The following FAAH2 variants were observed in gnomAD, a reference collection of about 807,000 sequenced individuals.
The protein encoded by FAAH2 is fatty acid amide hydrolase 2.
Under a neutral mutation model 36.9 loss-of-function variants are expected in FAAH2, and 60 were observed. The ratio of observed to expected loss-of-function variants is 1.63; its 90% CI spans 1.32 to 2.02. The LOEUF (loss-of-function observed/expected upper bound fraction) is 2.02. Ranked by LOEUF, FAAH2 falls within the 30% of genes most tolerant of loss-of-function variation. The pLI is 0.00. For missense variants in FAAH2, 689 were observed against 397.5 expected, an observed-to-expected ratio of 1.73 and a Z score of -6.23; for synonymous variants, 214 against 143.8, an observed-to-expected ratio of 1.49 and a Z score of -3.49.
At chrX:57,151,348 C>G in the FAAH2 span, among the ~76,000 whole-genome samples, 1 of 112,096 alleles carries the variant, frequency 8.9e-6, no homozygotes, top group Admixed American at 9.5e-5. Context: ...TAATATCCTG[C>G]AGAGTGTTTT....
At chrX:57,388,871 A>T (rs945102993) in intron 7 of FAAH2, among the ~76,000 whole-genome samples, 5 of 110,346 alleles carry the variant, frequency 4.5e-5, no homozygotes, top group African/African-American at 1.3e-4. Flanking sequence ...TAACCGTTTT[A>T]TACTTGCTTC....
chrX:57,403,038 C>T (rs1199642650), intron 7 of FAAH2, among the ~76,000 whole-genome samples: 1 of 111,971 alleles, frequency 8.9e-6, no homozygotes, highest in Non-Finnish European at 1.9e-5. Flanking sequence ...CCTTGTAAAA[C>T]ATCAGTATAG....
At chrX:57,333,610 T>A (rs755710542) in intron 4 of FAAH2, among the ~76,000 whole-genome samples, 1,012 of 83,727 alleles carry the variant, frequency 0.012, 11 homozygotes, top group African/African-American at 0.037. Context: ...AAAAAAAAAA[T>A]ATAACAGAAA....
the FAAH2 span, among the ~76,000 whole-genome samples, chrX:57,226,650 G>A: frequency 0.45 from 49,792 of 110,340 alleles, 11,342 homozygotes; most frequent in African/African-American, 0.89. Context: ...TTTTGCAATA[G>A]ATTTCCCAGG....
At chrX:57,170,824 C>A in the FAAH2 span, among the ~76,000 whole-genome samples, 2 of 110,167 alleles carry the variant, frequency 1.8e-5, no homozygotes, top group Non-Finnish European at 3.8e-5. Context: ...CCTGCCTCAA[C>A]CTCCCTAGTA....
chrX:57,382,562 A>G (rs1186750326), intron 7 of FAAH2, among the ~76,000 whole-genome samples: 1 of 112,073 alleles, frequency 8.9e-6, no homozygotes, highest in Non-Finnish European at 1.9e-5. Flanking sequence ...ATGCAAATAA[A>G]CTAGAAAATC....
the FAAH2 span, among the ~76,000 whole-genome samples, chrX:57,249,130 T>A: frequency 9.0e-6 from 1 of 111,597 alleles, no homozygotes; most frequent in African/African-American, 3.3e-5. Flanking sequence ...GTCTAGATAT[T>A]GAAATATGAG....
intron 8 of FAAH2, among the ~76,000 whole-genome samples, chrX:57,437,281 G>A (rs912741015): frequency 3.6e-5 from 4 of 110,860 alleles, no homozygotes; most frequent in Non-Finnish European, 5.7e-5. Flanking sequence ...CACACTGAAT[G>A]GAGAAAAGTT....
intron 10 of FAAH2, among the ~76,000 whole-genome samples, chrX:57,464,267 G>A (rs369140525): frequency 9.0e-6 from 1 of 110,681 alleles, no homozygotes; most frequent in African/African-American, 3.3e-5. Context: ...GGCATTGGGG[G>A]AAAGGGGAGC....
At chrX:57,444,351 T>C (rs1449194069) in intron 8 of FAAH2, among the ~76,000 whole-genome samples, 2 of 112,097 alleles carry the variant, frequency 1.8e-5, no homozygotes, top group African/African-American at 6.5e-5. Flanking sequence ...TGCAGTTTGA[T>C]CTCAGACTGC....
intron 5 of FAAH2, among the ~76,000 whole-genome samples, chrX:57,342,923 TA>T (rs1309459940): frequency 8.9e-6 from 1 of 111,829 alleles, no homozygotes; most frequent in Non-Finnish European, 1.9e-5. Context: ...TAATGGCCTC[TA>T]GCTGCATCCA....
At chrX:57,219,406 G>A in the FAAH2 span, among the ~76,000 whole-genome samples, 1 of 111,879 alleles carries the variant, frequency 8.9e-6, no homozygotes, top group Non-Finnish European at 1.9e-5. Context: ...GCAGGCCACA[G>A]CAGCTGGACA....
At chrX:57,438,529 T>C (rs1167559103) in intron 8 of FAAH2, among the ~76,000 whole-genome samples, 1 of 110,585 alleles carries the variant, frequency 9.0e-6, no homozygotes. Flanking sequence ...ACAGATTTAA[T>C]ACTTTTCCTA....
At chrX:57,127,918 T>C in the FAAH2 span, among the ~76,000 whole-genome samples, 1 of 112,120 alleles carries the variant, frequency 8.9e-6, no homozygotes, top group African/African-American at 3.2e-5. Context: ...TCATACTCTT[T>C]ACATTTGTGT....
chrX:57,160,835 A>G, the FAAH2 span, among the ~76,000 whole-genome samples: 2 of 111,067 alleles, frequency 1.8e-5, no homozygotes, highest in Non-Finnish European at 3.8e-5. Context: ...GATTTTTTGA[A>G]GGGTTTTTTG....
chrX:57,484,470 C>A (rs753013326), intron 10 of FAAH2, among the ~76,000 whole-genome samples: 1 of 111,546 alleles, frequency 9.0e-6, no homozygotes, highest in African/African-American at 3.3e-5. Context: ...TCCCTTTTCA[C>A]GCCCTTGTTG....
At chrX:57,339,904 TAGTC>T (rs1354955900) in intron 4 of FAAH2, among the ~76,000 whole-genome samples, 1 of 111,370 alleles carries the variant, frequency 9.0e-6, no homozygotes, top group Non-Finnish European at 1.9e-5. Flanking sequence ...CTGGGTGTGT[TAGTC>T]AGGGTTCTCT....
intron 8 of FAAH2, 74 bp downstream of exon 8, chrX:57,432,111 G>A: frequency 2.2e-6 from 2 of 900,099 alleles, no homozygotes; most frequent in Non-Finnish European, 3.0e-6. Flanking sequence ...TGGTCCATAT[G>A]TTAGAGGTGT....
the FAAH2 span, among the ~76,000 whole-genome samples, chrX:57,130,740 T>G: frequency 9.0e-6 from 1 of 111,688 alleles, no homozygotes; most frequent in Non-Finnish European, 1.9e-5. Context: ...GTGAGGCCCC[T>G]CTTTAATATG....
Sources: gnomAD v4.1 joint callset for allele counts (sites outside exome capture counted in the v4.1 genomes callset) on GRCh38, gnomAD v4.1.1 for gene constraint, MANE v1.5 for transcripts, NCBI Gene and HGNC (gene_info 2026-07-23, HGNC 2026-07-21) for gene names.